FRAS1: variants seen among roughly 807,000 people sequenced by gnomAD.
FRAS1 encodes Fraser extracellular matrix complex subunit 1, also known as extracellular matrix organizing protein FRAS1.
Under a neutral mutation model 435.2 loss-of-function variants are expected in FRAS1, and 290 were observed. The observed-to-expected ratio is 0.67, with a 90% CI of 0.61 to 0.73. The LOEUF is 0.73. Ranked by LOEUF, FRAS1 falls within the 30% of genes least tolerant of loss-of-function variation. The pLI, the probability that FRAS1 is intolerant of heterozygous loss-of-function variation, is 0.00. For synonymous variants in FRAS1, 1,800 were observed against 1,851.0 expected (o/e 0.97, Z 0.71); for missense variants, 4,860 against 5,001.5 (o/e 0.97, Z 0.85).
intron 2 of FRAS1, among the ~76,000 whole-genome samples, chr4:78,216,185 G>A (rs1357609939): frequency 3.3e-5 from 5 of 152,188 alleles, no homozygotes; most frequent in Middle Eastern, 3.2e-3. Context: ...AAATGGAAGG[G>A]AAACAAAAAG....
chr4:78,234,350 C>T (rs34179601), intron 2 of FRAS1, among the ~76,000 whole-genome samples: 21,743 of 151,826 alleles, frequency 0.14, 1,973 homozygotes, highest in East Asian at 0.29. Context: ...CTCTGCCTCC[C>T]GAGTAGCTGG....
At position 78,374,097 on chromosome 4, in the gene FRAS1, C is replaced by T; in HGVS notation, c.3011-14C>T. The T allele has an allele frequency of 6.4e-7, 1 of 1,559,488 alleles. No individual in the cohort carries two copies. Among genetic ancestry groups the T allele is most frequent in the Non-Finnish European group, 8.7e-7 (1 of 1,143,160 alleles). On this transcript the variant is annotated splice_polypyrimidine_tract_variant and intron_variant, in intron 24 of 73. Transcript: ENST00000512123. ...GCCACACAGATTCCTGATGACTTGA[C>T]TTTTGTCTTTCAGACTGTGACAGCT...
chr4:78,299,114 T>C (rs1728274460), intron 14 of FRAS1, among the ~76,000 whole-genome samples: 1 of 152,140 alleles, frequency 6.6e-6, no homozygotes, highest in Non-Finnish European at 1.5e-5. Flanking sequence ...GAATCCTGTG[T>C]GGGGCATCAG....
chr4:78,342,101 T>C (rs1730417869), intron 20 of FRAS1, among the ~76,000 whole-genome samples: 1 of 152,146 alleles, frequency 6.6e-6, no homozygotes, highest in African/African-American at 2.4e-5. Flanking sequence ...GGCAATGTAA[T>C]ATCCTCTCCG....
At chr4:78,231,520 A>G (rs1376723266) in intron 2 of FRAS1, among the ~76,000 whole-genome samples, 1 of 151,982 alleles carries the variant, frequency 6.6e-6, no homozygotes, top group East Asian at 1.9e-4. Context: ...GCTTTTGGGG[A>G]GCTTTATTCT....
intron 4 of FRAS1, among the ~76,000 whole-genome samples, chr4:78,251,385 A>G (rs939331651): frequency 1.3e-5 from 2 of 152,250 alleles, no homozygotes; most frequent in African/African-American, 4.8e-5. Context: ...CTATTTTAAG[A>G]TGTTTAATTG....
chr4:78,267,760 T>C (rs539646703), intron 9 of FRAS1, among the ~76,000 whole-genome samples: 18 of 152,332 alleles, frequency 1.2e-4, no homozygotes, highest in Admixed American at 3.9e-4. Context: ...GCTGATGGCC[T>C]GCCCAGTTCT....
At chr4:78,309,127 G>A (rs1030246560) in intron 15 of FRAS1, among the ~76,000 whole-genome samples, 2 of 152,156 alleles carry the variant, frequency 1.3e-5, no homozygotes, top group Non-Finnish European at 2.9e-5. Context: ...AGTGAAGCAA[G>A]GAAAATGCCA....
At position 78,176,415 on chromosome 4, in the gene FRAS1, T is replaced by C. The variant is rs142291184; in HGVS notation, c.109-61095T>C. On this transcript the variant is annotated intron_variant, in intron 2 of 73. Transcript: ENST00000512123. Reference sequence around the variant, plus strand: ...CCATTGCCATCAGGTGTAAATGTTATAAAGAGTTTCCTTACACTGGGCAGA... The same window carrying C: ...CCATTGCCATCAGGTGTAAATGTTACAAAGAGTTTCCTTACACTGGGCAGA... Among the ~76,000 whole-genome samples the C allele has an allele frequency of 6.8e-4, 103 of 152,320 alleles. 1 individual carries two copies. In the East Asian group the frequency reaches 0.019, roughly 29 times the overall value.
rs774716802 is a variant in FRAS1 at position 78,481,948 on chromosome 4, C to G, written c.8588C>G (p.Pro2863Arg). 4.3e-6 allele frequency: 7 copies of G among 1,613,798 alleles called. No homozygotes were observed. Among genetic ancestry groups the G allele is most frequent in the Non-Finnish European group, 5.9e-6 (7 of 1,179,814 alleles). The change falls in exon 57 of 74, where the codon CCT (proline) becomes CGT (arginine). Residue 2863 changes from proline (P) to arginine (R), a missense_variant. By Grantham distance (103) the Pro-to-Arg change is moderately radical (BLOSUM62 -2). Transcript: ENST00000512123. ...AGCTCTCGGAAGGTGGAATTTGGGC[C>G]TGGTGTCATTGAACAGGTGCGTTTA... ...VPSSRKVEFGPGVIEQYCTLT... is the reference protein window; with the variant it reads ...VPSSRKVEFGRGVIEQYCTLT...
chr4:78,155,732 G>A (rs911186912), intron 2 of FRAS1, among the ~76,000 whole-genome samples: 8 of 152,108 alleles, frequency 5.3e-5, no homozygotes, highest in African/African-American at 9.7e-5. Context: ...TATCTTTTAC[G>A]TCTGAGCAAA....
chr4:78,392,482 G>A (rs1386390273), intron 29 of FRAS1, among the ~76,000 whole-genome samples: 1 of 151,852 alleles, frequency 6.6e-6, no homozygotes, highest in African/African-American at 2.4e-5. Context: ...CATTGTGTTT[G>A]TGAGATTTTT....
At chr4:78,473,915 A>C (rs1344019779) in intron 53 of FRAS1, among the ~76,000 whole-genome samples, 2 of 152,242 alleles carry the variant, frequency 1.3e-5, no homozygotes, top group African/African-American at 4.8e-5. Flanking sequence ...GCTAATAAGA[A>C]GTAAGACCAG....
At chr4:78,165,911 C>G (rs1721316900) in intron 2 of FRAS1, among the ~76,000 whole-genome samples, 1 of 152,114 alleles carries the variant, frequency 6.6e-6, no homozygotes, top group Non-Finnish European at 1.5e-5. Context: ...CTACCACATT[C>G]TGTTTGGTGG....
intron 32 of FRAS1, among the ~76,000 whole-genome samples, chr4:78,416,616 G>A (rs979950722): frequency 4.6e-5 from 7 of 152,118 alleles, no homozygotes; most frequent in Non-Finnish European, 7.4e-5. Context: ...GGGATATGCT[G>A]GTGAAGGGTG....
intron 2 of FRAS1, among the ~76,000 whole-genome samples, chr4:78,225,280 A>G (rs1240139292): frequency 1.3e-5 from 2 of 152,190 alleles, no homozygotes; most frequent in African/African-American, 4.8e-5. Flanking sequence ...TACCTTGCTT[A>G]TGGTTCTGGA....
intron 2 of FRAS1, among the ~76,000 whole-genome samples, chr4:78,114,310 A>G (rs1035953671): frequency 6.6e-5 from 10 of 152,144 alleles, no homozygotes; most frequent in East Asian, 5.8e-4. Flanking sequence ...TTGGCAATGC[A>G]GGCTCTTTTT....
At chr4:78,138,667 T>C (rs1720029357) in intron 2 of FRAS1, among the ~76,000 whole-genome samples, 1 of 152,134 alleles carries the variant, frequency 6.6e-6, no homozygotes. Context: ...CTATAAATGA[T>C]AGGTACTTCA....
intron 45 of FRAS1, among the ~76,000 whole-genome samples, chr4:78,451,372 G>A (rs1251203246): frequency 6.6e-6 from 1 of 152,190 alleles, no homozygotes; most frequent in Non-Finnish European, 1.5e-5. Flanking sequence ...GTGCAGCTCT[G>A]TGTCTTCTTG....
Sources: allele counts gnomAD v4.1 joint callset (sites outside exome capture counted in the v4.1 genomes callset), GRCh38; gene constraint gnomAD v4.1.1; transcripts MANE v1.5; gene names NCBI Gene and HGNC (gene_info 2026-07-23, HGNC 2026-07-21).